DNER: variants seen among roughly 807,000 people sequenced by gnomAD.
DNER encodes delta/notch like EGF repeat containing, also known as delta and Notch-like epidermal growth factor-related receptor.
In DNER, 33 loss-of-function variants were observed where a neutral mutation model predicts 78.2. That is an observed-to-expected ratio of 0.42 (90% CI 0.32 to 0.56). The LOEUF is 0.56. Among genes scored for constraint, DNER ranks in the 20% least tolerant of loss-of-function variants. The pLI is 0.11. For missense variants in DNER, 918 were observed against 975.3 expected (o/e 0.94, Z 0.78); for synonymous variants, 417 against 384.8 (o/e 1.08, Z -0.98).
At chr2:229,483,584 G>C (rs1322832109) in intron 6 of DNER, among the ~76,000 whole-genome samples, 1 of 152,202 alleles carries the variant, frequency 6.6e-6, no homozygotes, top group Non-Finnish European at 1.5e-5. Context: ...CAGAGCTTGA[G>C]AATCATTATA....
At chr2:229,569,602 C>T (rs1321839821) in intron 4 of DNER, among the ~76,000 whole-genome samples, 1 of 152,172 alleles carries the variant, frequency 6.6e-6, no homozygotes, top group East Asian at 1.9e-4. Flanking sequence ...CACATCTGCA[C>T]ATCTTCTGAT....
intron 1 of DNER, among the ~76,000 whole-genome samples, chr2:229,625,927 G>GTT (rs769197757): frequency 5.0e-4 from 73 of 147,186 alleles, no homozygotes; most frequent in African/African-American, 6.3e-4. Context: ...TTTGTTTTTT[G>GTT]TTTTTTTTTT....
intron 12 of DNER, among the ~76,000 whole-genome samples, chr2:229,361,643 A>G (rs1444695220): frequency 1.3e-5 from 2 of 152,164 alleles, no homozygotes; most frequent in East Asian, 1.9e-4. Flanking sequence ...TGTTTTGTGC[A>G]TTATTCTTCA....
Position 229,417,575 on chromosome 2 carries a change from A to G in DNER, c.1609+533T>C, listed in dbSNP as rs747276999. Among the ~76,000 whole-genome samples, 10 of 151,916 alleles carry G rather than the reference A, an allele frequency of 6.6e-5. No homozygotes were observed. In the East Asian group the frequency reaches 1.7e-3, roughly 26 times the overall value. The stretch of plus-strand genomic sequence containing the variant: ...GGAAGAGCATTACTGTCCACCTCAT[A>G]GGGTTCTCGGGGGGATTTAGTGAGC... On this transcript the variant is annotated intron_variant, in intron 9 of 12. Coordinates refer to ENST00000341772, the MANE Select transcript of DNER (RefSeq NM_139072.4).
chr2:229,606,717 A>G (rs991451906), intron 1 of DNER, among the ~76,000 whole-genome samples: 2 of 152,094 alleles, frequency 1.3e-5, no homozygotes, highest in African/African-American at 4.8e-5. Flanking sequence ...ACATGGTGAA[A>G]CCCTGTCTCG....
intron 11 of DNER, among the ~76,000 whole-genome samples, chr2:229,385,319 G>A (rs1341096962): frequency 4.6e-5 from 7 of 151,962 alleles, no homozygotes; most frequent in Non-Finnish European, 1.0e-4. Context: ...TTGACAGAAC[G>A]TATCTCAAAA....
intron 9 of DNER, among the ~76,000 whole-genome samples, chr2:229,415,810 G>T (rs1464750636): frequency 2.6e-5 from 4 of 152,188 alleles, no homozygotes; most frequent in African/African-American, 9.7e-5. Flanking sequence ...TTAAAAGTCT[G>T]AAACGCTGCT....
intron 1 of DNER, among the ~76,000 whole-genome samples, chr2:229,652,876 G>T (rs1485068330): frequency 6.6e-6 from 1 of 152,192 alleles, no homozygotes; most frequent in East Asian, 1.9e-4. Context: ...GCTGTGAAAA[G>T]CTGTTCACAT....
chr2:229,443,092 C>T (rs1187958582), intron 8 of DNER, among the ~76,000 whole-genome samples: 1 of 151,302 alleles, frequency 6.6e-6, no homozygotes, highest in Non-Finnish European at 1.5e-5. Flanking sequence ...TTAGATCTTG[C>T]TTGTTAAAAA....
chr2:229,543,983 T>A (rs1388506001), intron 5 of DNER, among the ~76,000 whole-genome samples: 1 of 152,024 alleles, frequency 6.6e-6, no homozygotes, highest in Non-Finnish European at 1.5e-5. Context: ...ATCAGAAAAT[T>A]CACAACTATA....
chr2:229,640,538 G>A (rs978697142), intron 1 of DNER, among the ~76,000 whole-genome samples: 1 of 151,892 alleles, frequency 6.6e-6, no homozygotes, highest in Non-Finnish European at 1.5e-5. Flanking sequence ...ATAATTCCTG[G>A]AATCAAAAAA....
Position 229,507,368 on chromosome 2 carries a change from T to C in DNER, c.1147+5415A>G, listed in dbSNP as rs114713638. ...CTTCTATTATTGTTACTGTTGTTAG[T>C]AGAAGGCCCAAGGAGATTCCTATAT... On this transcript the variant is annotated intron_variant, in intron 6 of 12. Transcript: ENST00000341772. 4.2e-3 allele frequency among the ~76,000 whole-genome samples: 634 copies of C among 152,324 alleles called. 3 individuals are homozygous for C. The highest frequency in any genetic ancestry group is 0.015 in the African/African-American group (611 of 41,578).
At chr2:229,479,932 G>A (rs2154211407) in intron 6 of DNER, among the ~76,000 whole-genome samples, 1 of 152,238 alleles carries the variant, frequency 6.6e-6, no homozygotes, top group South Asian at 2.1e-4. Flanking sequence ...GTGGCCTAAA[G>A]GATGTGGATG....
At chr2:229,596,852 ACAGT>A (rs1289966141) in intron 1 of DNER, among the ~76,000 whole-genome samples, 2 of 150,022 alleles carry the variant, frequency 1.3e-5, no homozygotes, top group African/African-American at 2.4e-5. Flanking sequence ...TAAAAATTAA[ACAGT>A]CAGTTGCATA....
intron 5 of DNER, among the ~76,000 whole-genome samples, chr2:229,538,785 C>T (rs10174047): frequency 0.014 from 2,163 of 152,080 alleles, 52 homozygotes; most frequent in African/African-American, 0.049. Flanking sequence ...GTGATCCACC[C>T]GCCTCAGCCT....
intron 10 of DNER, among the ~76,000 whole-genome samples, chr2:229,396,422 T>C (rs1289146216): frequency 6.6e-6 from 1 of 152,216 alleles, no homozygotes; most frequent in African/African-American, 2.4e-5. Flanking sequence ...TAGAGGCTAT[T>C]TAAAGTTTGT....
At chr2:229,470,216 A>G (rs1470601919) in intron 7 of DNER, among the ~76,000 whole-genome samples, 1 of 152,206 alleles carries the variant, frequency 6.6e-6, no homozygotes, top group East Asian at 1.9e-4. Context: ...CCTTAGGTAT[A>G]TCCCATCTCT....
intron 6 of DNER, among the ~76,000 whole-genome samples, chr2:229,477,511 G>T (rs1244564423): frequency 6.6e-6 from 1 of 152,190 alleles, no homozygotes; most frequent in African/African-American, 2.4e-5. Context: ...TTCGGCATTA[G>T]GTCTGTGTTT....
chr2:229,416,119 C>T (rs561708804), intron 9 of DNER, among the ~76,000 whole-genome samples: 1 of 152,322 alleles, frequency 6.6e-6, no homozygotes, highest in South Asian at 2.1e-4. Flanking sequence ...GAGCACCCAT[C>T]GCTCAGGCAG....
Sources: allele counts gnomAD v4.1 joint callset (sites outside exome capture counted in the v4.1 genomes callset), GRCh38; gene constraint gnomAD v4.1.1; transcripts MANE v1.5; gene names NCBI Gene and HGNC (gene_info 2026-07-23, HGNC 2026-07-21).